TCF7: variants seen among roughly 807,000 people sequenced by gnomAD.
TCF7 encodes T-cell-factor-7.
In TCF7, 19 loss-of-function variants were observed where a neutral mutation model predicts 46.8. The observed-to-expected ratio is 0.41, with a 90% confidence interval of 0.28 to 0.60. The LOEUF (loss-of-function observed/expected upper bound fraction) is 0.60. Among genes scored for constraint, TCF7 ranks in the 20% least tolerant of loss-of-function variants. The probability of loss-of-function intolerance (pLI) is 0.35; values close to 1 mark genes in which losing one functional copy is unlikely to be tolerated. For missense variants in TCF7, 547 were observed against 504.6 expected (o/e 1.08, Z -0.81); for synonymous variants, 245 against 213.4 (o/e 1.15, Z -1.29).
chr5:134,145,594 A>G, intron 9 of TCF7: 1 of 802,972 alleles, frequency 1.2e-6, no homozygotes, highest in Non-Finnish European at 2.0e-6. Flanking sequence ...GCTCTAAGGA[A>G]CACTTGTCCA....
At chr5:134,127,341 G>A (rs1034368417) in intron 3 of TCF7, among the ~76,000 whole-genome samples, 1 of 152,226 alleles carries the variant, frequency 6.6e-6, no homozygotes, top group African/African-American at 2.4e-5. Context: ...CAGGTGCCCA[G>A]GGCTTCTAGA....
intron 3 of TCF7, among the ~76,000 whole-genome samples, chr5:134,131,578 C>T (rs1048809700): frequency 2.6e-5 from 4 of 152,190 alleles, no homozygotes; most frequent in African/African-American, 9.7e-5. Context: ...AGTCACAGCC[C>T]TGTGGCTGAG....
Position 134,146,678 on chromosome 5 carries a change from T to C in TCF7, c.*375T>C. On this transcript the variant is annotated 3_prime_UTR_variant, in exon 10 of 10. Transcript: ENST00000342854. ...GCAGGACTTCTGCCTGAACCTGGGG[T>C]CATCGATTCAAACTGCTCCAAGTGG... 1 of 630,372 alleles carries C rather than the reference T, an allele frequency of 1.6e-6. No homozygotes were observed. The highest frequency in any genetic ancestry group is 1.9e-5 in the South Asian group (1 of 53,472). 39.0% of individuals were successfully genotyped at this position (630,372 alleles called of 1,614,324 possible). A position where few individuals can be genotyped will look rare whatever the true frequency, so the allele number is the denominator to read the frequency against.
chr5:134,143,051 G>A lies in TCF7; in HGVS notation c.977G>A (p.Arg326Lys), dbSNP rs754299880. The stretch of plus-strand genomic sequence containing the variant: ...TACTATGAGCTGGCCCGCAAGGAGA[G>A]GCAGCTGCACATGCAGCTATACCCA... ...AKYYELARKE[R>K]QLHMQLYPGW... is the part of the protein sequence containing the mutation. Residue 326 changes from arginine to lysine, a missense_variant, in exon 8 of 10, where the codon AGG becomes AAG. Arg to Lys is a conservative substitution (Grantham distance 26, BLOSUM62 2). Coordinates refer to ENST00000342854, the MANE Select transcript of TCF7 (RefSeq NM_003202.5). 3 of 1,611,722 alleles carry A rather than the reference G, an allele frequency of 1.9e-6. No individual in the cohort carries two copies. Among genetic ancestry groups the A allele is most frequent in the Non-Finnish European group, 2.5e-6 (3 of 1,178,924 alleles).
the TCF7 span, among the ~76,000 whole-genome samples, chr5:134,108,470 A>C: frequency 1.3e-5 from 2 of 152,106 alleles, no homozygotes; most frequent in Non-Finnish European, 2.9e-5. Flanking sequence ...GGTCCTCTTC[A>C]AATTTACCCT....
rs148407013 is a variant in TCF7 at position 134,138,096 on chromosome 5, T to A, written c.479T>A (p.Leu160His). The part of the protein sequence containing the change: ...ANQPPHGVPQ[L>H]SLYEHFNSPH... ...CAGCCCCCCCACGGTGTCCCCCAAC[T>A]CTCTCTCTACGAACATTTCAACAGC... Residue 160 changes from leucine to histidine, a missense_variant, in exon 4 of 10, where the codon CTC (leucine) becomes CAC (histidine). Transcript: ENST00000342854. The A allele has an allele frequency of 1.2e-6, 2 of 1,609,900 alleles. No homozygotes were observed. Among genetic ancestry groups the A allele is most frequent in the East Asian group, 4.5e-5 (2 of 44,564 alleles).
In TCF7 at chr5:134,142,222, C is replaced by G. The variant is rs1165477151; in HGVS notation, c.673C>G (p.Pro225Ala). Residue 225 changes from proline to alanine, a missense_variant, in exon 6 of 10, where the codon CCT (proline) becomes GCT (alanine). Pro to Ala is a conservative substitution (Grantham distance 27, BLOSUM62 -1). Around this residue, in one of 3 missense-constraint regions of TCF7, gnomAD observed 425 missense variants for 349.9 expected, o/e 1.21. Transcript: ENST00000342854. ...HPSLMLGSGV[P>A]GHPAAIPHPA... ...ATCCTTGATGCTAGGTTCTGGTGTA[C>G]CTGGTCACCCAGCAGCCATCCCCCA... 1 of 1,613,644 alleles carries G rather than the reference C, an allele frequency of 6.2e-7. No individual in the cohort carries two copies. The highest frequency in any genetic ancestry group is 8.5e-7 in the Non-Finnish European group (1 of 1,179,598).
rs781194230 is a variant in TCF7, at chr5:134,146,351, C to T, written c.*48C>T. ...CCAGGACTCACCCTCATACCATCTG[C>T]TGCCCCGCTTCCCCACAGAACTGCT... is the stretch of plus-strand genomic sequence containing the variant. On this transcript the variant is annotated 3_prime_UTR_variant, in exon 10 of 10. Coordinates refer to ENST00000342854, the MANE Select transcript of TCF7 (RefSeq NM_003202.5). The T allele has an allele frequency of 8.7e-6, 14 of 1,604,766 alleles. No homozygotes were observed. The South Asian group carries it at 1.1e-4, about 13-fold the overall frequency.
intron 9 of TCF7, chr5:134,144,713 T>C: frequency 9.7e-7 from 1 of 1,030,630 alleles, no homozygotes; most frequent in East Asian, 2.4e-5. Context: ...ACACTGATGT[T>C]ACCTCTTCTT....
intron 3 of TCF7, among the ~76,000 whole-genome samples, chr5:134,127,444 TG>T: frequency 6.6e-6 from 1 of 152,346 alleles, no homozygotes; most frequent in Admixed American, 6.5e-5. Context: ...TGTCTACAGG[TG>T]GATCACTTCC....
intron 3 of TCF7, among the ~76,000 whole-genome samples, chr5:134,131,869 G>A (rs1169331180): frequency 8.5e-5 from 13 of 152,274 alleles, no homozygotes; most frequent in African/African-American, 2.9e-4. Flanking sequence ...ACCTGGGCCG[G>A]AGGAGCAGGC....
At chr5:134,109,484 A>G in the TCF7 span, among the ~76,000 whole-genome samples, 3 of 152,118 alleles carry the variant, frequency 2.0e-5, no homozygotes, top group African/African-American at 4.8e-5. Context: ...ACTTAGAGAC[A>G]CCTGGCCAGG....
chr5:134,129,919 G>C (rs1757878771), intron 3 of TCF7, among the ~76,000 whole-genome samples: 1 of 152,244 alleles, frequency 6.6e-6, no homozygotes, highest in East Asian at 1.9e-4. Context: ...GAAGCCTCTT[G>C]GTCCAGGAGG....
chr5:134,146,203 A>T (rs1760679495), intron 9 of TCF7, 21 bp from the exon 10 acceptor site: 1 of 1,614,028 alleles, frequency 6.2e-7, no homozygotes. Flanking sequence ...GTTTACAGAT[A>T]ACTCTCTTCA....
chr5:134,126,607 T>C (rs1490170182), intron 3 of TCF7, among the ~76,000 whole-genome samples: 1 of 152,214 alleles, frequency 6.6e-6, no homozygotes, highest in Non-Finnish European at 1.5e-5. Context: ...ATATCAAGAT[T>C]GTACAAGTCG....
At chr5:134,124,940 G>C (rs1757141096) in intron 3 of TCF7, among the ~76,000 whole-genome samples, 1 of 152,234 alleles carries the variant, frequency 6.6e-6, no homozygotes, top group Non-Finnish European at 1.5e-5. Flanking sequence ...AGGGCAGGGA[G>C]CTGTGATGGG....
At chr5:134,145,651 G>A in intron 9 of TCF7, 2 of 1,387,056 alleles carry the variant, frequency 1.4e-6, no homozygotes, top group Non-Finnish European at 2.0e-6. Flanking sequence ...GCAAGGAGGA[G>A]TTTGGGGTGT....
chr5:134,140,769 G>C (rs1759624696), intron 5 of TCF7: 1 of 455,632 alleles, frequency 2.2e-6, no homozygotes, highest in East Asian at 7.0e-5. Flanking sequence ...CAGCCAGACT[G>C]CTAACAGCTA....
chr5:134,114,023 G>A (rs1755456979), upstream of TCF7, among the ~76,000 whole-genome samples: 1 of 152,216 alleles, frequency 6.6e-6, no homozygotes, highest in Non-Finnish European at 1.5e-5. Flanking sequence ...GCTCTTGGCT[G>A]TGTTCGCGGC....
Sources: gnomAD v4.1 joint callset for allele counts (sites outside exome capture counted in the v4.1 genomes callset) on GRCh38, gnomAD v4.1.1 for gene constraint, gnomAD v4.1.1 regional missense constraint, MANE v1.5 for transcripts, NCBI Gene and HGNC (gene_info 2026-07-23, HGNC 2026-07-21) for gene names.